Variants in CDK6 observed in about 807,000 individuals in gnomAD.
The protein encoded by CDK6 is cyclin dependent kinase 6.
CDK6 carries 6 observed loss-of-function variants against 37.1 expected under a neutral mutation model. The ratio of observed to expected loss-of-function variants is 0.16; its 90% CI spans 0.09 to 0.32. The LOEUF is 0.32. CDK6 is among the 10% of genes least tolerant of loss of function. The probability of loss-of-function intolerance (pLI) is 1.00; values close to 1 mark genes in which losing one functional copy is unlikely to be tolerated. For missense variants in CDK6, 224 were observed against 418.9 expected, an observed-to-expected ratio of 0.53 and a Z score of 4.06; for synonymous variants, 160 against 161.3, an observed-to-expected ratio of 0.99 and a Z score of 0.06.
intron 2 of CDK6, among the ~76,000 whole-genome samples, chr7:92,825,601 G>A (rs571662302): frequency 1.2e-4 from 19 of 152,276 alleles, no homozygotes; most frequent in Non-Finnish European, 2.4e-4. Context: ...AAATTATGAA[G>A]AGGAGTAGAA....
chr7:92,624,526 T>C (rs1795879927), intron 5 of CDK6, among the ~76,000 whole-genome samples: 1 of 152,082 alleles, frequency 6.6e-6, no homozygotes, highest in Admixed American at 6.6e-5. Context: ...TCCAGAACTG[T>C]GAGAAAATAA....
Position 92,612,636 on chromosome 7 carries a change from G to C in CDK6, c.*2504C>G. On this transcript the variant is annotated 3_prime_UTR_variant, in exon 8 of 8. Coordinates refer to ENST00000424848, the MANE Select transcript of CDK6 (RefSeq NM_001145306.2). ...CCAACGATTGAATGCCAGAATGTTT[G>C]TGCTTTAATTTTTCTTCATAAGCAC... 4.3e-6 allele frequency: 1 copy of C among 233,150 alleles called. No individual in the cohort carries two copies. 14.4% of individuals were successfully genotyped at this position (233,150 alleles called of 1,614,324 possible).
intron 2 of CDK6, among the ~76,000 whole-genome samples, chr7:92,801,118 T>C (rs1406739405): frequency 2.0e-5 from 3 of 151,976 alleles, no homozygotes; most frequent in African/African-American, 4.8e-5. Flanking sequence ...GAAAAGTCAG[T>C]ATTATTAAAA....
Position 92,676,078 on chromosome 7 carries a change from C to A in CDK6, c.538-4543G>T, listed in dbSNP as rs569638330. Among the ~76,000 whole-genome samples, 16 of 151,380 alleles carry A rather than the reference C, an allele frequency of 1.1e-4. No individual in the cohort carries two copies. The East Asian group carries it at 2.9e-3, about 28-fold the overall frequency. On this transcript the variant is annotated intron_variant, in intron 4 of 7. Coordinates refer to ENST00000424848, the MANE Select transcript of CDK6 (RefSeq NM_001145306.2). Reference sequence around the variant, plus strand: ...GTTTTATTTTATAATTTGTTGATTTCTATTTTTATCTTTTAAAATTTTCTC... The same window carrying A: ...GTTTTATTTTATAATTTGTTGATTTATATTTTTATCTTTTAAAATTTTCTC...
chr7:92,671,550 G>A lies in CDK6; in HGVS notation c.538-15C>T, dbSNP rs763732000. The stretch of plus-strand genomic sequence containing the variant: ...AGCGTGACGACCTGCAATGGCAAGC[G>A]GATCCAAGTGTTACTGAGAAGGTGG... On this transcript the variant is annotated splice_polypyrimidine_tract_variant and intron_variant, in intron 4 of 7. Coordinates refer to ENST00000424848, the MANE Select transcript of CDK6 (RefSeq NM_001145306.2). 31 of 1,492,400 alleles carry A rather than the reference G, an allele frequency of 2.1e-5. No individual in the cohort carries two copies. Among genetic ancestry groups the A allele is most frequent in the African/African-American group, 4.3e-5 (3 of 70,304 alleles). The allele number at this position is 1,492,400 out of a possible 1,614,324, so 92.4% of individuals were successfully genotyped here.
At chr7:92,828,586 T>A (rs1277567705) in intron 2 of CDK6, among the ~76,000 whole-genome samples, 2 of 152,178 alleles carry the variant, frequency 1.3e-5, no homozygotes, top group African/African-American at 2.4e-5. Context: ...TTTGTTTTTT[T>A]AAAAAAGAAA....
intron 4 of CDK6, among the ~76,000 whole-genome samples, chr7:92,724,321 T>C (rs1798458758): frequency 6.6e-6 from 1 of 152,204 alleles, no homozygotes; most frequent in African/African-American, 2.4e-5. Flanking sequence ...CAATGGTGTA[T>C]GCTGGGCAAA....
intron 5 of CDK6, among the ~76,000 whole-genome samples, chr7:92,644,303 C>T (rs1323196117): frequency 1.3e-5 from 2 of 152,060 alleles, no homozygotes; most frequent in Non-Finnish European, 2.9e-5. Flanking sequence ...ACAGAAGCTC[C>T]CCATGGATAT....
intron 2 of CDK6, among the ~76,000 whole-genome samples, chr7:92,810,101 T>A (rs895701257): frequency 2.0e-5 from 3 of 152,206 alleles, no homozygotes; most frequent in African/African-American, 7.2e-5. Flanking sequence ...GATATGGCTA[T>A]GAAAATAGAT....
intron 2 of CDK6, among the ~76,000 whole-genome samples, chr7:92,776,068 C>T (rs546749605): frequency 1.3e-5 from 2 of 151,402 alleles, no homozygotes; most frequent in African/African-American, 2.4e-5. Flanking sequence ...CCTAACCCCC[C>T]CACCCCGACA....
chr7:92,714,530 G>A (rs535076105), intron 4 of CDK6, among the ~76,000 whole-genome samples: 1 of 152,202 alleles, frequency 6.6e-6, no homozygotes, highest in East Asian at 1.9e-4. Flanking sequence ...CTCCCCAAAC[G>A]GGCTTGTTTC....
intron 5 of CDK6, among the ~76,000 whole-genome samples, chr7:92,630,852 T>C (rs2116511467): frequency 6.6e-6 from 1 of 152,242 alleles, no homozygotes; most frequent in East Asian, 1.9e-4. Flanking sequence ...AGGGTGATGG[T>C]GTGGTGTGGA....
intron 2 of CDK6, among the ~76,000 whole-genome samples, chr7:92,826,721 C>T (rs545353191): frequency 6.6e-6 from 1 of 152,172 alleles, no homozygotes; most frequent in African/African-American, 2.4e-5. Context: ...ACTAAATAGA[C>T]TTCACATGTG....
chr7:92,656,843 T>C (rs1327714250), intron 5 of CDK6, among the ~76,000 whole-genome samples: 3 of 152,122 alleles, frequency 2.0e-5, no homozygotes, highest in Non-Finnish European at 4.4e-5. Flanking sequence ...AAAACTTTCA[T>C]TCCAGAGGTG....
At chr7:92,661,520 T>C (rs1410553923) in intron 5 of CDK6, among the ~76,000 whole-genome samples, 1 of 152,200 alleles carries the variant, frequency 6.6e-6, no homozygotes, top group East Asian at 1.9e-4. Context: ...TTGTATGTAT[T>C]ATACCCTGTA....
chr7:92,631,702 T>C (rs538149088), intron 5 of CDK6, among the ~76,000 whole-genome samples: 2 of 152,230 alleles, frequency 1.3e-5, no homozygotes, highest in East Asian at 3.9e-4. Context: ...AGGGGGTCAC[T>C]GGGGTGGAGC....
intron 2 of CDK6, among the ~76,000 whole-genome samples, chr7:92,819,236 C>G (rs1158868097): frequency 2.0e-5 from 3 of 152,002 alleles, no homozygotes; most frequent in African/African-American, 7.2e-5. Context: ...ACTACTCAAA[C>G]AGTCAACAAC....
At chr7:92,659,951 AG>A (rs1444743396) in intron 5 of CDK6, among the ~76,000 whole-genome samples, 1 of 152,202 alleles carries the variant, frequency 6.6e-6, no homozygotes, top group African/African-American at 2.4e-5. Flanking sequence ...TGTGGGAACA[AG>A]AAGGGCCGAG....
At chr7:92,676,969 A>G (rs887519895) in intron 4 of CDK6, among the ~76,000 whole-genome samples, 9 of 151,808 alleles carry the variant, frequency 5.9e-5, no homozygotes, top group African/African-American at 2.2e-4. Flanking sequence ...AAAAAAAAAA[A>G]AAAGAAAGAA....
Sources: gnomAD v4.1 joint callset for allele counts (sites outside exome capture counted in the v4.1 genomes callset) on GRCh38, gnomAD v4.1.1 for gene constraint, MANE v1.5 for transcripts, NCBI Gene and HGNC (gene_info 2026-07-23, HGNC 2026-07-21) for gene names.